The following PLCG2 variants were observed in gnomAD, a reference collection of about 807,000 sequenced individuals.
PLCG2 encodes the protein phospholipase C gamma 2, also known as 1-phosphatidylinositol 4,5-bisphosphate phosphodiesterase gamma-2.
In PLCG2, 69 loss-of-function variants were observed where a neutral mutation model predicts 175.6. The ratio of observed to expected loss-of-function variants is 0.39; its 90% CI spans 0.32 to 0.48. The LOEUF is 0.48. Among genes scored for constraint, PLCG2 ranks in the 20% least tolerant of loss-of-function variants. PLCG2 has a pLI of 0.91. For missense variants in PLCG2, 1,798 were observed against 1,650.9 expected, an observed-to-expected ratio of 1.09 and a Z score of -1.54; for synonymous variants, 827 against 624.0, an observed-to-expected ratio of 1.33 and a Z score of -4.85.
chr16:81,783,054 G>A, intron 1 of PLCG2: 1 of 452,062 alleles, frequency 2.2e-6, no homozygotes, highest in Non-Finnish European at 4.4e-6. Context: ...CCCTGGGGAA[G>A]GTTAAGTCCA....
chr16:81,936,423 T>A lies in PLCG2; in HGVS notation c.3052+45T>A, dbSNP rs758459330. On this transcript the variant is annotated intron_variant, in intron 27 of 32. Coordinates refer to ENST00000564138, the MANE Select transcript of PLCG2 (RefSeq NM_002661.5). Reference sequence around the variant, plus strand: ...AGTCCCGTCCCTGCAAGGTGGCGGTTGCAGTCACTCCAGGCCGAGTCACCT... The same window carrying A: ...AGTCCCGTCCCTGCAAGGTGGCGGTAGCAGTCACTCCAGGCCGAGTCACCT... 42 of 1,526,226 alleles carry A rather than the reference T, an allele frequency of 2.8e-5. No homozygotes were observed. The East Asian group carries it at 8.8e-4, about 32-fold the overall frequency. 94.5% of individuals were successfully genotyped at this position (1,526,226 alleles called of 1,614,324 possible). A position where few individuals can be genotyped will look rare whatever the true frequency, so the allele number is the denominator to read the frequency against.
At chr16:81,805,453 T>C (rs1911955312) in intron 2 of PLCG2, among the ~76,000 whole-genome samples, 1 of 144,372 alleles carries the variant, frequency 6.9e-6, no homozygotes, top group Non-Finnish European at 1.5e-5. Flanking sequence ...GAGCAGAGAT[T>C]GCACCACTGC....
At chr16:81,856,601 C>A (rs749703588) in intron 3 of PLCG2, among the ~76,000 whole-genome samples, 2 of 152,156 alleles carry the variant, frequency 1.3e-5, no homozygotes, top group African/African-American at 2.4e-5. Context: ...ATTCCAGATT[C>A]TGCATTTTAT....
intron 2 of PLCG2, among the ~76,000 whole-genome samples, chr16:81,791,475 G>A (rs1397383607): frequency 6.6e-6 from 1 of 152,148 alleles, no homozygotes; most frequent in Non-Finnish European, 1.5e-5. Context: ...GAGGTCATTT[G>A]GTGTCACCTC....
intron 5 of PLCG2, among the ~76,000 whole-genome samples, chr16:81,867,797 A>G (rs985799974): frequency 6.6e-6 from 1 of 151,660 alleles, no homozygotes; most frequent in Non-Finnish European, 1.5e-5. Flanking sequence ...TCCCGAATTC[A>G]CGCCATTCTT....
intron 1 of PLCG2, among the ~76,000 whole-genome samples, chr16:81,783,832 G>T (rs1567461783): frequency 1.3e-5 from 2 of 151,404 alleles, no homozygotes; most frequent in Non-Finnish European, 2.9e-5. Context: ...TCTCAGCAGG[G>T]TTTTTTTTTA....
chr16:81,962,063 C>T lies in PLCG2; in HGVS notation c.*4065C>T, dbSNP rs551771729. On this transcript the variant is annotated 3_prime_UTR_variant, in exon 33 of 33. Coordinates refer to ENST00000564138, the MANE Select transcript of PLCG2 (RefSeq NM_002661.5). ...GCGTCCCTCCCGAAGCTGCGCGCTC[C>T]GTCGAAGAGGACGACCAACCCCGAT... is the stretch of plus-strand genomic sequence containing the variant. The T allele has an allele frequency of 4.3e-5, 8 of 187,844 alleles. No homozygotes were observed. The highest frequency in any genetic ancestry group is 9.1e-5 in the Non-Finnish European group (8 of 88,166). 11.6% of individuals were successfully genotyped at this position (187,844 alleles called of 1,614,324 possible).
chr16:81,774,884 C>T (rs1910366241), upstream of PLCG2, among the ~76,000 whole-genome samples: 1 of 151,892 alleles, frequency 6.6e-6, no homozygotes, highest in South Asian at 2.1e-4. Context: ...AGCTGTGACT[C>T]AGGCTCACTC....
intron 5 of PLCG2, among the ~76,000 whole-genome samples, chr16:81,861,984 TC>T (rs750043442): frequency 6.6e-6 from 1 of 152,312 alleles, no homozygotes; most frequent in Non-Finnish European, 1.5e-5. Flanking sequence ...TCTACCTCCC[TC>T]CCAGTGGGCA....
At chr16:81,888,757 C>G (rs1259421897) in intron 9 of PLCG2, among the ~76,000 whole-genome samples, 4 of 152,208 alleles carry the variant, frequency 2.6e-5, no homozygotes, top group African/African-American at 9.7e-5. Context: ...TTCATACTAA[C>G]AAACGTAAAG....
chr16:81,861,617 T>C (rs1308030172), intron 5 of PLCG2, among the ~76,000 whole-genome samples: 1 of 152,160 alleles, frequency 6.6e-6, no homozygotes, highest in African/African-American at 2.4e-5. Context: ...GGTGCTTGTG[T>C]TGGAAGATTT....
At chr16:81,877,971 T>C (rs549255818) in intron 7 of PLCG2, among the ~76,000 whole-genome samples, 1 of 102,270 alleles carries the variant, frequency 9.8e-6, no homozygotes, top group Non-Finnish European at 2.0e-5. Flanking sequence ...CTTTTTTTTT[T>C]AATTTTTTTT....
At chr16:81,796,342 C>T (rs1166963466) in intron 2 of PLCG2, among the ~76,000 whole-genome samples, 1 of 152,248 alleles carries the variant, frequency 6.6e-6, no homozygotes, top group African/African-American at 2.4e-5. Flanking sequence ...GGATGGACCC[C>T]TGAGAGAGAG....
intron 30 of PLCG2, among the ~76,000 whole-genome samples, chr16:81,944,803 G>T (rs772404764): frequency 1.3e-5 from 2 of 152,080 alleles, no homozygotes; most frequent in African/African-American, 4.8e-5. Flanking sequence ...TCAGGGACTT[G>T]AGCCTCCAAG....
At chr16:81,817,277 T>C (rs1255309904) in intron 2 of PLCG2, among the ~76,000 whole-genome samples, 1 of 152,194 alleles carries the variant, frequency 6.6e-6, no homozygotes, top group Non-Finnish European at 1.5e-5. Flanking sequence ...CCATCCCCCA[T>C]GTATAAAATG....
upstream of PLCG2, among the ~76,000 whole-genome samples, chr16:81,776,443 T>C (rs1321046239): frequency 2.6e-5 from 4 of 151,826 alleles, no homozygotes; most frequent in Admixed American, 1.3e-4. Context: ...TTTTATTCCA[T>C]GGAAAAGAAA....
rs1490850485 is a variant in PLCG2, at chr16:81,844,102, G to T, written c.194-10342G>T. Among the ~76,000 whole-genome samples, 30 of 140,452 alleles carry T rather than the reference G, an allele frequency of 2.1e-4. 1 individual carries two copies. Among genetic ancestry groups the T allele is most frequent in the Admixed American group, 2.1e-3 (29 of 13,980 alleles). 92.1% of individuals were successfully genotyped at this position (140,452 alleles called of 152,430 possible). A position where few individuals can be genotyped will look rare whatever the true frequency, so the allele number is the denominator to read the frequency against. ...TGCCATTCTCCTGCCTCAGCCTCCC[G>T]AGTAGCTGGGACTACAGGTGCCCGC... On this transcript the variant is annotated intron_variant, in intron 2 of 32. Transcript: ENST00000564138.
chr16:81,835,413 T>A (rs944104651), intron 2 of PLCG2, among the ~76,000 whole-genome samples: 1 of 151,914 alleles, frequency 6.6e-6, no homozygotes, highest in Non-Finnish European at 1.5e-5. Flanking sequence ...CTGGCCAACA[T>A]GGCGAAACCC....
chr16:81,901,822 G>C (rs1909163248), intron 14 of PLCG2, among the ~76,000 whole-genome samples: 1 of 152,172 alleles, frequency 6.6e-6, no homozygotes, highest in African/African-American at 2.4e-5. Context: ...TGTTAATGAA[G>C]AAACCCATCT....
Sources: allele counts gnomAD v4.1 joint callset (sites outside exome capture counted in the v4.1 genomes callset), GRCh38; gene constraint gnomAD v4.1.1; transcripts MANE v1.5; gene names NCBI Gene and HGNC (gene_info 2026-07-23, HGNC 2026-07-21).